SMCHD1: variants seen among roughly 807,000 people sequenced by gnomAD.
The protein encoded by SMCHD1 is structural maintenance of chromosomes flexible hinge domain containing 1, also known as structural maintenance of chromosomes flexible hinge domain-containing protein 1.
A neutral mutation model predicts 254.7 loss-of-function variants in SMCHD1; 78 were observed. The ratio of observed to expected loss-of-function variants is 0.31; its 90% CI spans 0.26 to 0.37. The LOEUF is 0.37. Ranked by LOEUF, SMCHD1 falls within the 10% of genes least tolerant of loss-of-function variation. The pLI is 1.00. For synonymous variants in SMCHD1, 766 were observed against 794.9 expected, an observed-to-expected ratio of 0.96 and a Z score of 0.61; for missense variants, 1,840 against 2,408.1, an observed-to-expected ratio of 0.76 and a Z score of 4.94.
At chr18:2,801,805 T>C (rs1226315228) in intron 47 of SMCHD1, among the ~76,000 whole-genome samples, 1 of 152,128 alleles carries the variant, frequency 6.6e-6, no homozygotes, top group Admixed American at 6.6e-5. Context: ...TATTGCAAAT[T>C]AACTCATGAC....
At chr18:2,786,383 G>T (rs1004675364) in intron 45 of SMCHD1, among the ~76,000 whole-genome samples, 2 of 152,074 alleles carry the variant, frequency 1.3e-5, no homozygotes, top group Non-Finnish European at 2.9e-5. Flanking sequence ...CATGAACACT[G>T]CACTTATATT....
At chr18:2,720,510 A>C (rs532676421) in intron 19 of SMCHD1, among the ~76,000 whole-genome samples, 1 of 152,258 alleles carries the variant, frequency 6.6e-6, no homozygotes, top group South Asian at 2.1e-4. Flanking sequence ...CTAACATTGA[A>C]GAATAGGGCA....
intron 3 of SMCHD1, 81 bp downstream of exon 3, chr18:2,667,112 T>C (rs1246958340): frequency 2.0e-6 from 2 of 1,021,684 alleles, no homozygotes; most frequent in East Asian, 2.7e-5. Flanking sequence ...CCTTCACTTT[T>C]TGTAAATCTT....
At chr18:2,717,355 C>T (rs1449746292) in intron 17 of SMCHD1, among the ~76,000 whole-genome samples, 1 of 151,222 alleles carries the variant, frequency 6.6e-6, no homozygotes, top group Non-Finnish European at 1.5e-5. Flanking sequence ...GTTTCTTTTG[C>T]TTTTTTTTTG....
rs2298498 is a variant in SMCHD1 at position 2,795,854 on chromosome 18, A to G, written c.5720-95A>G. The G allele has an allele frequency of 0.3, 305,886 of 1,011,228 alleles. 48,190 individuals are homozygous for G. Among genetic ancestry groups the G allele is most frequent in the East Asian group, 0.47 (16,038 of 34,416 alleles). 62.6% of individuals were successfully genotyped at this position (1,011,228 alleles called of 1,614,324 possible). A position where few individuals can be genotyped will look rare whatever the true frequency, so the allele number is the denominator to read the frequency against. On this transcript the variant is annotated intron_variant, in intron 45 of 47. Coordinates refer to ENST00000320876, the MANE Select transcript of SMCHD1 (RefSeq NM_015295.3). ...TTAAAAGTAGATCCCCTATGTTACC[A>G]TAACACAAATTCCAGTGTTGCTCAT...
rs746885675 is a variant in SMCHD1 at position 2,698,070 on chromosome 18, A to G, written c.1342+29A>G. 6 of 1,533,028 alleles carry G rather than the reference A, an allele frequency of 3.9e-6. No homozygotes were observed. The African/African-American group carries it at 6.8e-5, about 17-fold the overall frequency. 95.0% of individuals were successfully genotyped at this position (1,533,028 alleles called of 1,614,324 possible). A position where few individuals can be genotyped will look rare whatever the true frequency, so the allele number is the denominator to read the frequency against. ...TGTTAATCTGTTATCTTAGTTATAA[A>G]ATATGAAGTTGTAATTTAGGACAGT... On this transcript the variant is annotated intron_variant, in intron 10 of 47. Transcript: ENST00000320876.
At chr18:2,700,138 T>C (rs2074369088) in intron 10 of SMCHD1, among the ~76,000 whole-genome samples, 1 of 152,266 alleles carries the variant, frequency 6.6e-6, no homozygotes, top group African/African-American at 2.4e-5. Flanking sequence ...TTAGATGTCA[T>C]AGATTTCTCA....
intron 45 of SMCHD1, among the ~76,000 whole-genome samples, chr18:2,789,646 G>A (rs1366438885): frequency 6.6e-6 from 1 of 152,170 alleles, no homozygotes; most frequent in African/African-American, 2.4e-5. Flanking sequence ...TAATGGGGCT[G>A]TGTCTGGATA....
intron 25 of SMCHD1, among the ~76,000 whole-genome samples, chr18:2,736,992 G>T (rs763775783): frequency 2.6e-5 from 4 of 152,108 alleles, no homozygotes; most frequent in Non-Finnish European, 4.4e-5. Context: ...ATAGGTGCCT[G>T]TCGGTAGTAG....
chr18:2,691,650 T>G (rs527395324), intron 7 of SMCHD1: 1 of 152,334 alleles, frequency 6.6e-6, no homozygotes, highest in South Asian at 2.1e-4. Context: ...AGAAAATATT[T>G]AATAGAGGGA....
chr18:2,753,474 A>G (rs1047019863), intron 34 of SMCHD1, among the ~76,000 whole-genome samples: 1 of 152,210 alleles, frequency 6.6e-6, no homozygotes, highest in African/African-American at 2.4e-5. Flanking sequence ...ATAGATGTGT[A>G]TATTTAAATA....
chr18:2,683,293 G>A (rs1235280153), intron 5 of SMCHD1, among the ~76,000 whole-genome samples: 1 of 151,774 alleles, frequency 6.6e-6, no homozygotes, highest in East Asian at 1.9e-4. Flanking sequence ...TAGGAAATAA[G>A]TTGCAGCATC....
chr18:2,748,380 G>GTGTATGTA (rs1555646668), intron 30 of SMCHD1, among the ~76,000 whole-genome samples: 2 of 80,278 alleles, frequency 2.5e-5, no homozygotes, highest in Non-Finnish European at 4.3e-5. Flanking sequence ...GTGTGTGTGT[G>GTGTATGTA]TGTATATAAA....
At chr18:2,697,530 G>A (rs959887833) in intron 9 of SMCHD1, among the ~76,000 whole-genome samples, 8 of 152,188 alleles carry the variant, frequency 5.3e-5, no homozygotes, top group Non-Finnish European at 8.8e-5. Context: ...TTTCACATAC[G>A]ATGTTGTCCC....
chr18:2,663,156 T>A (rs2073342704), intron 1 of SMCHD1, among the ~76,000 whole-genome samples: 2 of 152,166 alleles, frequency 1.3e-5, no homozygotes, highest in Non-Finnish European at 2.9e-5. Flanking sequence ...CAAGCTAGAG[T>A]GCAGTAGTGT....
chr18:2,783,584 T>C (rs998399919), intron 44 of SMCHD1, among the ~76,000 whole-genome samples: 4 of 152,140 alleles, frequency 2.6e-5, no homozygotes, highest in Admixed American at 6.5e-5. Context: ...TTCTTTCTTT[T>C]TTTTTTTCTG....
intron 20 of SMCHD1, among the ~76,000 whole-genome samples, chr18:2,724,024 C>T (rs1442943345): frequency 1.3e-5 from 2 of 151,182 alleles, no homozygotes; most frequent in Non-Finnish European, 2.9e-5. Context: ...TTTATGTTTT[C>T]CTTTAATAAT....
chr18:2,786,291 C>T (rs1388266819), intron 45 of SMCHD1, among the ~76,000 whole-genome samples: 1 of 151,816 alleles, frequency 6.6e-6, no homozygotes. Flanking sequence ...TGTCTGGCCA[C>T]TTTGTTTGCT....
intron 17 of SMCHD1, among the ~76,000 whole-genome samples, chr18:2,712,693 C>G (rs2074708435): frequency 6.6e-6 from 1 of 152,202 alleles, no homozygotes; most frequent in Non-Finnish European, 1.5e-5. Flanking sequence ...ATCATGGTCT[C>G]TCATTCTAAC....
Sources: allele counts gnomAD v4.1 joint callset (sites outside exome capture counted in the v4.1 genomes callset), GRCh38; gene constraint gnomAD v4.1.1; transcripts MANE v1.5; gene names NCBI Gene and HGNC (gene_info 2026-07-23, HGNC 2026-07-21).